The following NAALADL2 variants were observed in gnomAD, a reference collection of about 807,000 sequenced individuals.
NAALADL2 encodes N-acetylated alpha-linked acidic dipeptidase like 2.
A neutral mutation model predicts 87.2 loss-of-function variants in NAALADL2; 76 were observed. That is an observed-to-expected ratio of 0.87 (90% CI 0.72 to 1.05). NAALADL2 has a LOEUF of 1.05. NAALADL2 is among the 50% of genes least tolerant of loss of function. The pLI is 0.00. For missense variants in NAALADL2, 1,089 were observed against 945.8 expected, an observed-to-expected ratio of 1.15 and a Z score of -1.99; for synonymous variants, 354 against 331.0, an observed-to-expected ratio of 1.07 and a Z score of -0.75.
intron 1 of NAALADL2, among the ~76,000 whole-genome samples, chr3:174,487,729 G>A (rs902141314): frequency 2.6e-5 from 4 of 151,102 alleles, no homozygotes; most frequent in African/African-American, 9.7e-5. Flanking sequence ...AAGTAGTACA[G>A]ATTGCTTGTA....
Position 175,803,283 on chromosome 3 carries a change from A to G in NAALADL2, c.*80A>G. The G allele has an allele frequency of 9.9e-7, 1 of 1,008,758 alleles. No homozygotes were observed. The highest frequency in any genetic ancestry group is 1.8e-5 in the South Asian group (1 of 56,704). The allele number at this position is 1,008,758 out of a possible 1,614,324, so 62.5% of individuals were successfully genotyped here. ...AATTTAACCAGATTTTCTGACATTG[A>G]AGGCTTATTTTCCCCAATGGCTTTT... On this transcript the variant is annotated 3_prime_UTR_variant, in exon 14 of 14. Coordinates refer to ENST00000454872, the MANE Select transcript of NAALADL2 (RefSeq NM_207015.3).
rs917805319 is a variant in NAALADL2 at position 174,698,661 on chromosome 3, G to A, written c.-114-38980G>A. On this transcript the variant is annotated intron_variant, in intron 2 of 3. Coordinates refer to the NAALADL2 transcript ENST00000434257. The stretch of plus-strand genomic sequence containing the variant: ...GGGCAGATCACGAGGTCAGGAGATC[G>A]AGACCATCCCGGCTAAAATGGTGAA... Among the ~76,000 whole-genome samples the A allele has an allele frequency of 5.1e-5, 5 of 98,696 alleles. 1 individual carries two copies. The highest frequency in any genetic ancestry group is 2.0e-4 in the African/African-American group (3 of 14,928). The allele number at this position is 98,696 out of a possible 152,430, so 64.7% of individuals were successfully genotyped here.
chr3:175,341,755 G>A (rs1762588192), intron 5 of NAALADL2, among the ~76,000 whole-genome samples: 1 of 152,004 alleles, frequency 6.6e-6, no homozygotes, highest in African/African-American at 2.4e-5. Context: ...TGTTGCCTAT[G>A]CCAACATCAT....
At chr3:175,017,768 G>A (rs1751041402) in intron 1 of NAALADL2, among the ~76,000 whole-genome samples, 1 of 151,880 alleles carries the variant, frequency 6.6e-6, no homozygotes, top group African/African-American at 2.4e-5. Context: ...ATTATTTTTG[G>A]GGGGCACTGA....
At chr3:175,347,531 A>G (rs975645947) in intron 5 of NAALADL2, among the ~76,000 whole-genome samples, 2 of 152,138 alleles carry the variant, frequency 1.3e-5, no homozygotes, top group African/African-American at 4.8e-5. Flanking sequence ...GAAAGGAAAG[A>G]AAGCAAGCAG....
chr3:174,836,064 A>G (rs1723297792), intron 3 of NAALADL2, among the ~76,000 whole-genome samples: 1 of 152,238 alleles, frequency 6.6e-6, no homozygotes, highest in Non-Finnish European at 1.5e-5. Flanking sequence ...TAGGAGCATC[A>G]TTCACAATAG....
At chr3:175,455,264 CA>C (rs1456918571) in intron 6 of NAALADL2, among the ~76,000 whole-genome samples, 1 of 151,994 alleles carries the variant, frequency 6.6e-6, no homozygotes, top group Non-Finnish European at 1.5e-5. Flanking sequence ...ATAAAAGAAC[CA>C]GGTAGATGTA....
chr3:175,086,446 A>G (rs1410777257), intron 1 of NAALADL2, among the ~76,000 whole-genome samples: 1 of 152,082 alleles, frequency 6.6e-6, no homozygotes, highest in African/African-American at 2.4e-5. Flanking sequence ...AAGAAGCTAA[A>G]ATTCATGTTG....
In NAALADL2 at chr3:174,945,696, T is replaced by C. The variant is rs141831810; in HGVS notation, c.43+86246T>C. Among the ~76,000 whole-genome samples, 201 of 152,192 alleles carry C rather than the reference T, an allele frequency of 1.3e-3. 1 individual carries two copies. Among genetic ancestry groups the C allele is most frequent in the African/African-American group, 4.7e-3 (194 of 41,526 alleles). ...ATTCCTAGAATTTGTGGCCTAGAAA[T>C]CACTTAGAAGAATGGAATTGGAGAG... On this transcript the variant is annotated intron_variant, in intron 1 of 13. Coordinates refer to ENST00000454872, the MANE Select transcript of NAALADL2 (RefSeq NM_207015.3).
At chr3:175,326,438 C>G (rs1760713343) in intron 5 of NAALADL2, among the ~76,000 whole-genome samples, 1 of 152,176 alleles carries the variant, frequency 6.6e-6, no homozygotes, top group Non-Finnish European at 1.5e-5. Context: ...TAGGCTTTTT[C>G]TAGCCTGTTC....
intron 5 of NAALADL2, among the ~76,000 whole-genome samples, chr3:175,342,538 C>G (rs926002453): frequency 6.4e-5 from 9 of 140,228 alleles, no homozygotes; most frequent in African/African-American, 2.6e-4. Context: ...GTGTGTATCA[C>G]TATCTCAAAT....
At chr3:175,032,277 A>G (rs1034411240) in intron 1 of NAALADL2, among the ~76,000 whole-genome samples, 1 of 152,152 alleles carries the variant, frequency 6.6e-6, no homozygotes, top group African/African-American at 2.4e-5. Context: ...GTTAATATCC[A>G]GTATTATTAA....
At chr3:175,175,254 C>G (rs919910154) in intron 2 of NAALADL2, among the ~76,000 whole-genome samples, 2 of 151,896 alleles carry the variant, frequency 1.3e-5, no homozygotes, top group African/African-American at 2.4e-5. Context: ...GAAGAGAAAA[C>G]TTTTTAACAT....
chr3:175,484,588 G>A lies in NAALADL2; in HGVS notation c.1653+12830G>A, dbSNP rs564967811. 5.3e-5 allele frequency among the ~76,000 whole-genome samples: 8 copies of A among 152,136 alleles called. No individual in the cohort carries two copies. The South Asian group carries it at 1.7e-3, about 32-fold the overall frequency. ...ATCATTCTTAAAATACTATAGTAGGGAAGCATTTTATAATGTACCCAGTAA... is the reference window on the plus strand; with the variant it reads ...ATCATTCTTAAAATACTATAGTAGGAAAGCATTTTATAATGTACCCAGTAA... On this transcript the variant is annotated intron_variant, in intron 9 of 13. Transcript: ENST00000454872.
At chr3:175,217,669 A>G (rs186102126) in intron 2 of NAALADL2, among the ~76,000 whole-genome samples, 22 of 152,354 alleles carry the variant, frequency 1.4e-4, no homozygotes, top group Admixed American at 1.1e-3. Flanking sequence ...ATGGCTGACT[A>G]TAAGAAATAT....
At chr3:175,435,682 T>C (rs561293727) in intron 5 of NAALADL2, among the ~76,000 whole-genome samples, 8 of 152,194 alleles carry the variant, frequency 5.3e-5, no homozygotes, top group Non-Finnish European at 1.0e-4. Context: ...CTAACCAATA[T>C]AAATCTTGAG....
chr3:175,262,125 T>G (rs961260046), intron 4 of NAALADL2, among the ~76,000 whole-genome samples: 7 of 152,048 alleles, frequency 4.6e-5, no homozygotes, highest in African/African-American at 1.7e-4. Context: ...AGAAAATATT[T>G]ATATATATTG....
At chr3:175,213,591 A>G (rs1742079113) in intron 2 of NAALADL2, among the ~76,000 whole-genome samples, 1 of 152,194 alleles carries the variant, frequency 6.6e-6, no homozygotes. Context: ...ATAGGTAACT[A>G]TGCATTTACA....
intron 2 of NAALADL2, among the ~76,000 whole-genome samples, chr3:174,648,517 G>A (rs182426524): frequency 6.6e-6 from 1 of 152,000 alleles, no homozygotes; most frequent in African/African-American, 2.4e-5. Context: ...TATATTTCAT[G>A]GTTCCATACA....
Sources: gnomAD v4.1 joint callset for allele counts (sites outside exome capture counted in the v4.1 genomes callset) on GRCh38, gnomAD v4.1.1 for gene constraint, MANE v1.5 for transcripts, NCBI Gene and HGNC (gene_info 2026-07-23, HGNC 2026-07-21) for gene names.